The following BLMH variants were observed in gnomAD, a reference collection of about 807,000 sequenced individuals.
BLMH encodes BLM hydrolase.
Under a neutral mutation model 61.6 loss-of-function variants are expected in BLMH, and 32 were observed. That is an observed-to-expected ratio of 0.52 (90% CI 0.39 to 0.70). The LOEUF is 0.70. Among genes scored for constraint, BLMH ranks in the 30% least tolerant of loss-of-function variants. The pLI is 0.00. For synonymous variants in BLMH, 183 were observed against 193.8 expected (o/e 0.94, Z 0.46); for missense variants, 460 against 555.5 (o/e 0.83, Z 1.73).
chr17:30,285,982 A>T (rs1476152883), intron 5 of BLMH, among the ~76,000 whole-genome samples: 3 of 152,176 alleles, frequency 2.0e-5, no homozygotes, highest in Admixed American at 6.5e-5. Context: ...CTGAAATTTA[A>T]CCACAGTGCT....
chr17:30,260,548 T>A (rs1443109185), intron 11 of BLMH, among the ~76,000 whole-genome samples: 1 of 152,124 alleles, frequency 6.6e-6, no homozygotes, highest in Non-Finnish European at 1.5e-5. Flanking sequence ...GCCAAAGTCA[T>A]GCAGGCTTTT....
chr17:30,259,142 A>C (rs184135969), intron 11 of BLMH, among the ~76,000 whole-genome samples: 14 of 152,280 alleles, frequency 9.2e-5, no homozygotes, highest in African/African-American at 3.4e-4. Context: ...TGTTTTACAT[A>C]TTTATTCTTA....
chr17:30,276,474 TTAAAGA>T (rs141490778), intron 6 of BLMH, among the ~76,000 whole-genome samples: 12,768 of 152,206 alleles, frequency 0.084, 816 homozygotes, highest in African/African-American at 0.17. Context: ...TATACACTTC[TTAAAGA>T]TAAGAACCAG....
At chr17:30,258,682 C>T (rs1907879949) in intron 11 of BLMH, among the ~76,000 whole-genome samples, 1 of 152,146 alleles carries the variant, frequency 6.6e-6, no homozygotes, top group African/African-American at 2.4e-5. Flanking sequence ...AGCTAGGCAG[C>T]CCTGAGGGCA....
chr17:30,283,031 G>C (rs1038668720), intron 6 of BLMH, among the ~76,000 whole-genome samples: 14 of 152,218 alleles, frequency 9.2e-5, no homozygotes, highest in Admixed American at 1.3e-4. Context: ...AGCTGGGCAT[G>C]GTGGCATGCA....
intron 10 of BLMH, among the ~76,000 whole-genome samples, chr17:30,268,349 C>T (rs1388814023): frequency 6.6e-6 from 1 of 152,058 alleles, no homozygotes; most frequent in Admixed American, 6.5e-5. Context: ...ATAGGGATTC[C>T]ATGATATCAG....
At chr17:30,271,812 T>C (rs1908279321) in intron 9 of BLMH, among the ~76,000 whole-genome samples, 1 of 152,132 alleles carries the variant, frequency 6.6e-6, no homozygotes, top group African/African-American at 2.4e-5. Context: ...GTCCAAAATA[T>C]TGGGGAATAT....
chr17:30,273,051 A>G lies in BLMH; in HGVS notation c.802-152T>C, dbSNP rs532174222. 8 of 803,662 alleles carry G rather than the reference A, an allele frequency of 1.0e-5. No homozygotes were observed. The South Asian group carries it at 1.3e-4, about 13-fold the overall frequency. The allele number at this position is 803,662 out of a possible 1,614,324, so 49.8% of individuals were successfully genotyped here. A position where few individuals can be genotyped will look rare whatever the true frequency, so the allele number is the denominator to read the frequency against. On this transcript the variant is annotated intron_variant, in intron 7 of 11. Transcript: ENST00000261714. Reference sequence around the variant, plus strand: ...ACATTGTTAAGTAACAAAGAAACACAAGGTGGCAAAATACATGTGAGAGAG... The same window carrying G: ...ACATTGTTAAGTAACAAAGAAACACGAGGTGGCAAAATACATGTGAGAGAG...
chr17:30,291,792 AC>A lies in BLMH; in HGVS notation c.13+14del, dbSNP rs1908901173. 8 of 1,395,966 alleles carry A rather than the reference AC, an allele frequency of 5.7e-6. No individual in the cohort carries two copies. In the East Asian group the frequency reaches 1.9e-4, roughly 32 times the overall value. 86.5% of individuals were successfully genotyped at this position (1,395,966 alleles called of 1,614,324 possible). On this transcript the variant is annotated intron_variant, in intron 1 of 11. Coordinates refer to ENST00000261714, the MANE Select transcript of BLMH (RefSeq NM_000386.4). Reference sequence around the variant, plus strand: ...CTCCTCCAGAGGACCGCGGCGGGGGACGGCGGCACCTCACCCGAGCTGCTCA... The same window carrying A: ...CTCCTCCAGAGGACCGCGGCGGGGGAGGCGGCACCTCACCCGAGCTGCTCA...
intron 11 of BLMH, among the ~76,000 whole-genome samples, chr17:30,262,467 T>A (rs1025302874): frequency 3.0e-4 from 46 of 152,222 alleles, no homozygotes; most frequent in Admixed American, 3.0e-3. Context: ...TTACTTTATA[T>A]ATGTTTAAAA....
chr17:30,272,828 A>G lies in BLMH; in HGVS notation c.873T>C (p.Asn291=), dbSNP rs375755407. The G allele has an allele frequency of 2.2e-5, 36 of 1,613,954 alleles. No individual in the cohort carries two copies. The African/African-American group carries it at 4.1e-4, about 19-fold the overall frequency. The part of the protein sequence containing the change: ...NKLYTVEYLS[N]MVGGRKTLYN... ...ATAGAGTTTTTCTCCCTCCAACCAT[A>G]TTGCTTAAGTATTCCACTGTGTAAA... Residue 291 remains asparagine, a synonymous_variant, in exon 8 of 12, where the codon AAT becomes AAC. Coordinates refer to ENST00000261714, the MANE Select transcript of BLMH (RefSeq NM_000386.4).
chr17:30,290,780 C>T (rs1908864151), intron 2 of BLMH, among the ~76,000 whole-genome samples: 1 of 152,194 alleles, frequency 6.6e-6, no homozygotes, highest in South Asian at 2.1e-4. Context: ...GGCATGAGAA[C>T]AGAACTTTTT....
intron 10 of BLMH, among the ~76,000 whole-genome samples, chr17:30,269,048 C>CA (rs1372441325): frequency 2.0e-5 from 3 of 149,634 alleles, no homozygotes; most frequent in South Asian, 2.1e-4. Flanking sequence ...TCAAAAAAAA[C>CA]AAAAAAACAA....
chr17:30,259,421 C>T (rs981696770), intron 11 of BLMH, among the ~76,000 whole-genome samples: 2 of 152,148 alleles, frequency 1.3e-5, no homozygotes, highest in African/African-American at 4.8e-5. Flanking sequence ...TTCCTGACGC[C>T]CTCTAGTCCT....
intron 11 of BLMH, among the ~76,000 whole-genome samples, chr17:30,260,337 T>A (rs777011265): frequency 6.6e-6 from 1 of 152,136 alleles, no homozygotes; most frequent in Non-Finnish European, 1.5e-5. Context: ...TAAAAACACA[T>A]CTATACACAA....
chr17:30,252,329 C>T, intron 11 of BLMH: 1 of 151,850 alleles, frequency 6.6e-6, no homozygotes. Context: ...TCATCTATGC[C>T]CAATCCTGTT....
chr17:30,251,738 G>C (rs1033299154), intron 11 of BLMH, among the ~76,000 whole-genome samples: 1 of 152,326 alleles, frequency 6.6e-6, no homozygotes, highest in African/African-American at 2.4e-5. Context: ...GGTGTTTCTA[G>C]CAAGAGGGTC....
intron 2 of BLMH, among the ~76,000 whole-genome samples, chr17:30,290,825 A>G (rs917413017): frequency 3.9e-5 from 6 of 152,234 alleles, no homozygotes; most frequent in African/African-American, 1.4e-4. Flanking sequence ...GTGGGAACTG[A>G]GCCCATCAGC....
At chr17:30,256,519 G>A (rs1345263896) in intron 11 of BLMH, among the ~76,000 whole-genome samples, 2 of 152,024 alleles carry the variant, frequency 1.3e-5, no homozygotes, top group Admixed American at 6.5e-5. Flanking sequence ...TAGTGGAGAC[G>A]GGGTTTCGCC....
Sources: gnomAD v4.1 joint callset for allele counts (sites outside exome capture counted in the v4.1 genomes callset) on GRCh38, gnomAD v4.1.1 for gene constraint, MANE v1.5 for transcripts, NCBI Gene and HGNC (gene_info 2026-07-23, HGNC 2026-07-21) for gene names.